The following SFSWAP variants were observed in gnomAD, a reference collection of about 807,000 sequenced individuals.
SFSWAP encodes the protein splicing factor SWAP, also known as splicing factor, suppressor of white-apricot homolog.
In SFSWAP, 17 loss-of-function variants were observed where a neutral mutation model predicts 100.7. That is an observed-to-expected ratio of 0.17 (90% CI 0.12 to 0.25). The LOEUF (loss-of-function observed/expected upper bound fraction) is 0.25, where lower values mean the gene tolerates loss of function less well. SFSWAP is among the 10% of genes least tolerant of loss of function. The pLI is 1.00. For missense variants in SFSWAP, 1,005 were observed against 1,262.6 expected (o/e 0.80, Z 3.09); for synonymous variants, 504 against 510.1 (o/e 0.99, Z 0.16).
chr12:131,720,875 G>A (rs990931648), intron 4 of SFSWAP, among the ~76,000 whole-genome samples: 1 of 152,014 alleles, frequency 6.6e-6, no homozygotes. Flanking sequence ...ATTACTACTT[G>A]TATTGGTCTG....
intron 1 of SFSWAP, chr12:131,713,578 G>A (rs1236088137): frequency 1.3e-5 from 2 of 152,308 alleles, no homozygotes; most frequent in Non-Finnish European, 2.9e-5. Flanking sequence ...AGTTTCTTTG[G>A]TGAAGATCTC....
At chr12:131,768,067 G>T (rs1883265466) in intron 13 of SFSWAP, among the ~76,000 whole-genome samples, 1 of 152,256 alleles carries the variant, frequency 6.6e-6, no homozygotes, top group African/African-American at 2.4e-5. Context: ...ATGTGCGCAC[G>T]TTGACCCACG....
chr12:131,732,693 A>G (rs1879624614), intron 7 of SFSWAP, among the ~76,000 whole-genome samples: 1 of 152,140 alleles, frequency 6.6e-6, no homozygotes, highest in Admixed American at 6.5e-5. Flanking sequence ...CTGTATCTCT[A>G]ATGTGTGATT....
At chr12:131,742,145 A>G (rs1880702081) in intron 7 of SFSWAP, among the ~76,000 whole-genome samples, 1 of 152,158 alleles carries the variant, frequency 6.6e-6, no homozygotes, top group African/African-American at 2.4e-5. Context: ...GTTCTTGAGT[A>G]TCACAGCATA....
At chr12:131,740,659 T>A (rs1213515797) in intron 7 of SFSWAP, among the ~76,000 whole-genome samples, 3 of 152,216 alleles carry the variant, frequency 2.0e-5, no homozygotes, top group Admixed American at 6.5e-5. Flanking sequence ...TGTGTCCATC[T>A]TCCCTGTCAG....
At position 131,777,119 on chromosome 12, in the gene SFSWAP, G is replaced by GT. The variant is rs932299535; in HGVS notation, c.2143-938dup. On this transcript the variant is annotated intron_variant, in intron 13 of 17. Coordinates refer to ENST00000261674, the MANE Select transcript of SFSWAP (RefSeq NM_004592.4). Reference sequence around the variant, plus strand: ...AATCTCTCCTCTGGTAGTTAAAACTGTTTTTTTTGTTTTTCCTTAAGAACT... The same window carrying GT: ...AATCTCTCCTCTGGTAGTTAAAACTGTTTTTTTTTGTTTTTCCTTAAGAACT... 2.9e-4 allele frequency among the ~76,000 whole-genome samples: 44 copies of GT among 151,770 alleles called. 1 individual carries two copies. The highest frequency in any genetic ancestry group is 1.2e-3 in the East Asian group (6 of 5,174).
rs10794428 is a variant in SFSWAP at position 131,779,208 on chromosome 12, T to C, written c.2408+878T>C. Reference sequence around the variant, plus strand: ...GTGTGAAGAGGGCAGCGCGGATGAGTGTGTGTGAAGAGGGCGGCGCGGGTG... The same window carrying C: ...GTGTGAAGAGGGCAGCGCGGATGAGCGTGTGTGAAGAGGGCGGCGCGGGTG... On this transcript the variant is annotated intron_variant, in intron 14 of 17. Coordinates refer to ENST00000261674, the MANE Select transcript of SFSWAP (RefSeq NM_004592.4). Among the ~76,000 whole-genome samples the C allele has an allele frequency of 7.8e-3, 500 of 63,928 alleles. 3 individuals are homozygous for C. Among genetic ancestry groups the C allele is most frequent in the Non-Finnish European group, 0.012 (315 of 26,466 alleles). 41.9% of individuals were successfully genotyped at this position (63,928 alleles called of 152,430 possible).
intron 15 of SFSWAP, among the ~76,000 whole-genome samples, chr12:131,789,685 G>A (rs543286977): frequency 6.7e-6 from 1 of 148,962 alleles, no homozygotes; most frequent in South Asian, 2.2e-4. Flanking sequence ...GTTCGTGTGT[G>A]TATTTCATGA....
intron 7 of SFSWAP, among the ~76,000 whole-genome samples, chr12:131,731,325 C>T (rs1159167768): frequency 6.6e-6 from 1 of 152,220 alleles, no homozygotes; most frequent in Non-Finnish European, 1.5e-5. Context: ...CACCTCCCTG[C>T]CTGCCGTCTT....
chr12:131,728,441 T>G lies in SFSWAP; in HGVS notation c.1081+13T>G. Reference sequence around the variant, plus strand: ...TACACGGCAGACTGTGAGTACTCACTGTGTATGTCCTGACCTGTGTTCAGC... The same window carrying G: ...TACACGGCAGACTGTGAGTACTCACGGTGTATGTCCTGACCTGTGTTCAGC... On this transcript the variant is annotated intron_variant, in intron 7 of 17. Transcript: ENST00000261674. 6.2e-7 allele frequency: 1 copy of G among 1,613,702 alleles called. No individual in the cohort carries two copies. The highest frequency in any genetic ancestry group is 8.5e-7 in the Non-Finnish European group (1 of 1,179,710).
chr12:131,797,186 A>T lies in SFSWAP; in HGVS notation c.2543A>T (p.His848Leu), dbSNP rs1445853359. The change falls in exon 16 of 18, where the codon CAC (histidine) becomes CTC (leucine). Residue 848 changes from histidine (H) to leucine (L), a missense_variant. By Grantham distance (99) the His-to-Leu change is moderately conservative. Transcript: ENST00000261674. ...AAACTCTTGCCTTTCAGAAGTCCCC[A>T]CGAGAAGAAGAAGAAGAGGCGGTCC... Reference protein sequence around the residue: ...SRKRTRSRSPHEKKKKRRSRS... With the variant: ...SRKRTRSRSPLEKKKKRRSRS... 2 of 1,608,714 alleles carry T rather than the reference A, an allele frequency of 1.2e-6. No individual in the cohort carries two copies. The highest frequency in any genetic ancestry group is 2.2e-5 in the East Asian group (1 of 44,832).
chr12:131,711,537 GT>G lies in SFSWAP; in HGVS notation c.218+94del. 9.0e-7 allele frequency: 1 copy of G among 1,109,900 alleles called. No homozygotes were observed. Among genetic ancestry groups the G allele is most frequent in the South Asian group, 1.4e-5 (1 of 73,448 alleles). 68.8% of individuals were successfully genotyped at this position (1,109,900 alleles called of 1,614,324 possible). On this transcript the variant is annotated intron_variant, in intron 1 of 17. Coordinates refer to ENST00000261674, the MANE Select transcript of SFSWAP (RefSeq NM_004592.4). The surrounding 1 kb of genome is among the most constrained non-coding windows in gnomAD (Gnocchi z 4.9). ...GACTTGACTGCAAGGACTGCAGAGA[GT>G]TTTCTGGAGCCAGCGGGGATCTGGG...
intron 1 of SFSWAP, chr12:131,713,205 A>G (rs959430332): frequency 3.3e-5 from 5 of 152,160 alleles, no homozygotes; most frequent in African/African-American, 1.2e-4. Context: ...AAGTTCACTA[A>G]CTCATTCATT....
chr12:131,747,595 C>G (rs958542847), intron 7 of SFSWAP, among the ~76,000 whole-genome samples: 6 of 152,162 alleles, frequency 3.9e-5, no homozygotes, highest in South Asian at 2.1e-4. Flanking sequence ...GGGCAGGCAG[C>G]AGCCAAGAGG....
In SFSWAP at chr12:131,754,509, A is replaced by T. The variant is rs756298786; in HGVS notation, c.1454+10A>T. Reference sequence around the variant, plus strand: ...CCAAGAATGATCAAAGGTCAGAAGAAGAATTTTATATGTTAGGTATATGGC... The same window carrying T: ...CCAAGAATGATCAAAGGTCAGAAGATGAATTTTATATGTTAGGTATATGGC... On this transcript the variant is annotated intron_variant, in intron 9 of 17. Coordinates refer to ENST00000261674, the MANE Select transcript of SFSWAP (RefSeq NM_004592.4). 6.4e-7 allele frequency: 1 copy of T among 1,557,978 alleles called. No individual in the cohort carries two copies. The highest frequency in any genetic ancestry group is 1.2e-5 in the South Asian group (1 of 83,460).
At chr12:131,784,837 A>T (rs1884774604) in intron 14 of SFSWAP, 3 of 361,270 alleles carry the variant, frequency 8.3e-6, no homozygotes, top group African/African-American at 4.2e-5. Context: ...ACTTCCCTTT[A>T]AAGAATTCTA....
chr12:131,746,879 C>T (rs1215661875), intron 7 of SFSWAP, among the ~76,000 whole-genome samples: 11 of 152,184 alleles, frequency 7.2e-5, no homozygotes, highest in African/African-American at 2.4e-4. Context: ...CCAAGGCGGG[C>T]AGATCATGAG....
chr12:131,736,703 A>G (rs1423174686), intron 7 of SFSWAP, among the ~76,000 whole-genome samples: 5 of 152,200 alleles, frequency 3.3e-5, no homozygotes, highest in Admixed American at 2.0e-4. Context: ...AGGCATACAG[A>G]ACACTGTGCA....
chr12:131,735,222 GGC>G (rs1879892908), intron 7 of SFSWAP, among the ~76,000 whole-genome samples: 1 of 152,106 alleles, frequency 6.6e-6, no homozygotes. Flanking sequence ...CGTAGCCATG[GGC>G]TGTGCATCAT....
Sources: gnomAD v4.1 joint callset for allele counts (sites outside exome capture counted in the v4.1 genomes callset) on GRCh38, gnomAD v4.1.1 for gene constraint, Gnocchi (gnomAD v3.1) non-coding constraint, MANE v1.5 for transcripts, NCBI Gene and HGNC (gene_info 2026-07-23, HGNC 2026-07-21) for gene names.